The following EXOC6B variants were observed in gnomAD, a reference collection of about 807,000 sequenced individuals.
EXOC6B encodes SEC15 homolog B.
In EXOC6B, 54 loss-of-function variants were observed where a neutral mutation model predicts 113.5. The ratio of observed to expected loss-of-function variants is 0.48; its 90% CI spans 0.38 to 0.60. The LOEUF (loss-of-function observed/expected upper bound fraction) is 0.60, where lower values mean the gene tolerates loss of function less well. Among genes scored for constraint, EXOC6B ranks in the 20% least tolerant of loss-of-function variants. The pLI is 0.00. For synonymous variants in EXOC6B, 357 were observed against 339.0 expected (o/e 1.05, Z -0.58); for missense variants, 797 against 977.5 (o/e 0.82, Z 2.46).
rs923877882 is a variant in EXOC6B, at chr2:72,508,184, A to AAAAAAAAAAAAAAAAAAAAAAAAAAAAC, written c.1167+4947_1167+4948insGTTTTTTTTTTTTTTTTTTTTTTTTTTT. ...CCCGCAAAAAAAAAAAAAAAAAAAA[A>AAAAAAAAAAAAAAAAAAAAAAAAAAAAC]ACACCTAAAAACAGTACTTTGATGG... On this transcript the variant is annotated intron_variant, in intron 11 of 21. Coordinates refer to ENST00000272427, the MANE Select transcript of EXOC6B (RefSeq NM_015189.3). Among the ~76,000 whole-genome samples the AAAAAAAAAAAAAAAAAAAAAAAAAAAAC allele has an allele frequency of 1.1e-4, 10 of 89,108 alleles. 1 individual carries two copies. The highest frequency in any genetic ancestry group is 5.3e-4 in the African/African-American group (8 of 15,020). The allele number at this position is 89,108 out of a possible 152,430, so 58.5% of individuals were successfully genotyped here.
chr2:72,600,606 G>A (rs1214364407), intron 6 of EXOC6B, among the ~76,000 whole-genome samples: 2 of 152,102 alleles, frequency 1.3e-5, no homozygotes, highest in East Asian at 1.9e-4. Flanking sequence ...CCAATGGAAA[G>A]GAGAGTCATT....
At chr2:72,555,031 T>G (rs1013056213) in intron 8 of EXOC6B, among the ~76,000 whole-genome samples, 1 of 152,174 alleles carries the variant, frequency 6.6e-6, no homozygotes, top group Non-Finnish European at 1.5e-5. Flanking sequence ...TTGTGATAGT[T>G]TGCTTAGAAT....
Position 72,323,835 on chromosome 2 carries a change from G to C in EXOC6B, c.2196+11112C>G, listed in dbSNP as rs535861006. Among the ~76,000 whole-genome samples, 21 of 151,856 alleles carry C rather than the reference G, an allele frequency of 1.4e-4. No individual in the cohort carries two copies. The South Asian group carries it at 1.5e-3, about 11-fold the overall frequency. Reference sequence around the variant, plus strand: ...GAACATCACACACCAGGGCCTGTTGGGGGTGGGGGGCTAGGGGAGGGACAG... The same window carrying C: ...GAACATCACACACCAGGGCCTGTTGCGGGTGGGGGGCTAGGGGAGGGACAG... On this transcript the variant is annotated intron_variant, in intron 20 of 21. Transcript: ENST00000272427.
At chr2:72,599,276 T>G (rs766111452) in intron 6 of EXOC6B, among the ~76,000 whole-genome samples, 76 of 151,870 alleles carry the variant, frequency 5.0e-4, no homozygotes, top group African/African-American at 1.7e-3. Context: ...ATATAATCCA[T>G]CACATCCATA....
chr2:72,518,956 T>TA (rs1329973659), intron 8 of EXOC6B, among the ~76,000 whole-genome samples: 2 of 152,180 alleles, frequency 1.3e-5, no homozygotes, highest in East Asian at 3.8e-4. Flanking sequence ...AGAAGGCTGA[T>TA]ACAAAGTTTC....
chr2:72,671,233 G>GA (rs1008332406), intron 6 of EXOC6B, among the ~76,000 whole-genome samples: 108 of 152,314 alleles, frequency 7.1e-4, no homozygotes, highest in African/African-American at 2.6e-3. Context: ...GACAACCAAA[G>GA]AATGGAAGAA....
chr2:72,255,705 C>G lies in EXOC6B; in HGVS notation c.2197-71518G>C, dbSNP rs182761960. The stretch of plus-strand genomic sequence containing the variant: ...AATTTTGCCCCAGGGTGCATCATAC[C>G]CAGAGGGCCACCCATATCTAACGTA... On this transcript the variant is annotated intron_variant, in intron 20 of 21. Transcript: ENST00000272427. 1.5e-4 allele frequency among the ~76,000 whole-genome samples: 23 copies of G among 152,222 alleles called. No individual in the cohort carries two copies. In the East Asian group the frequency reaches 3.9e-3, roughly 26 times the overall value.
At position 72,467,456 on chromosome 2, in the gene EXOC6B, C is replaced by G. The variant is rs184041349; in HGVS notation, c.1801-2117G>C. On this transcript the variant is annotated intron_variant, in intron 17 of 21. Coordinates refer to ENST00000272427, the MANE Select transcript of EXOC6B (RefSeq NM_015189.3). ...ACTAATTTACATTCCCAAGACCATACAAGGGTTCCCTTTTCTCCACATCCT... is the reference window on the plus strand; with the variant it reads ...ACTAATTTACATTCCCAAGACCATAGAAGGGTTCCCTTTTCTCCACATCCT... 5.2e-3 allele frequency among the ~76,000 whole-genome samples: 786 copies of G among 152,258 alleles called. 4 individuals are homozygous for G. The highest frequency in any genetic ancestry group is 8.3e-3 in the Non-Finnish European group (565 of 68,008).
At chr2:72,392,260 A>C (rs1573017149) in intron 18 of EXOC6B, among the ~76,000 whole-genome samples, 1 of 152,138 alleles carries the variant, frequency 6.6e-6, no homozygotes, top group Non-Finnish European at 1.5e-5. Context: ...ACATACCAGG[A>C]CTAAGAAGCT....
In EXOC6B at chr2:72,712,196, G is replaced by C. The variant is rs1312903123; in HGVS notation, c.669+5907C>G. 2.6e-5 allele frequency among the ~76,000 whole-genome samples: 4 copies of C among 152,016 alleles called. No individual in the cohort carries two copies. The South Asian group carries it at 8.3e-4, about 32-fold the overall frequency. On this transcript the variant is annotated intron_variant, in intron 6 of 21. Coordinates refer to ENST00000272427, the MANE Select transcript of EXOC6B (RefSeq NM_015189.3). ...ATACAATTGTTTCCTAGATCCAAAG[G>C]CAATATATCAATGTACAATTTTTTT...
intron 6 of EXOC6B, among the ~76,000 whole-genome samples, chr2:72,668,384 T>G (rs1675545332): frequency 6.6e-6 from 1 of 151,804 alleles, no homozygotes; most frequent in South Asian, 2.1e-4. Flanking sequence ...AGAGTTGAAC[T>G]ACCATTTGAC....
At chr2:72,674,214 C>A (rs762573049) in intron 6 of EXOC6B, among the ~76,000 whole-genome samples, 11 of 152,268 alleles carry the variant, frequency 7.2e-5, no homozygotes, top group Non-Finnish European at 7.4e-5. Context: ...TCTCACTTCA[C>A]CTCTCCCCAG....
At chr2:72,277,990 A>G (rs1304534521) in intron 20 of EXOC6B, among the ~76,000 whole-genome samples, 2 of 152,202 alleles carry the variant, frequency 1.3e-5, no homozygotes, top group African/African-American at 4.8e-5. Context: ...AAAAATTAAA[A>G]AAAATTATCA....
intron 1 of EXOC6B, among the ~76,000 whole-genome samples, chr2:72,792,078 C>T (rs759655576): frequency 2.6e-5 from 4 of 152,196 alleles, no homozygotes; most frequent in Non-Finnish European, 5.9e-5. Context: ...GGATAGAATC[C>T]AATGTTCTTC....
chr2:72,538,819 T>C (rs1291976946), intron 8 of EXOC6B, among the ~76,000 whole-genome samples: 1 of 152,076 alleles, frequency 6.6e-6, no homozygotes, highest in African/African-American at 2.4e-5. Flanking sequence ...AATAGACAAA[T>C]CAAACAGAGA....
intron 6 of EXOC6B, among the ~76,000 whole-genome samples, chr2:72,643,434 T>C (rs1278118273): frequency 5.4e-5 from 8 of 148,178 alleles, no homozygotes; most frequent in Non-Finnish European, 3.0e-5. Flanking sequence ...TATGCAGCCA[T>C]AAAAAAGGAT....
intron 18 of EXOC6B, among the ~76,000 whole-genome samples, chr2:72,435,370 G>C (rs1695789921): frequency 6.6e-6 from 1 of 152,070 alleles, no homozygotes; most frequent in South Asian, 2.1e-4. Context: ...GCTGAGAAGA[G>C]TGTATATTCT....
At chr2:72,470,271 G>A (rs769285217) in intron 17 of EXOC6B, among the ~76,000 whole-genome samples, 13 of 152,022 alleles carry the variant, frequency 8.6e-5, no homozygotes, top group South Asian at 2.1e-4. Context: ...GTGTTTTGTA[G>A]TTTTCATTGC....
intron 1 of EXOC6B, among the ~76,000 whole-genome samples, chr2:72,821,239 G>A (rs1483376946): frequency 6.6e-6 from 1 of 151,924 alleles, no homozygotes; most frequent in Non-Finnish European, 1.5e-5. Context: ...GAAAAGAACA[G>A]CTATTACGGG....
Sources: gnomAD v4.1 joint callset for allele counts (sites outside exome capture counted in the v4.1 genomes callset) on GRCh38, gnomAD v4.1.1 for gene constraint, MANE v1.5 for transcripts, NCBI Gene and HGNC (gene_info 2026-07-23, HGNC 2026-07-21) for gene names.